The following CCDC57 variants were observed in gnomAD, a reference collection of about 807,000 sequenced individuals.
CCDC57 encodes the protein coiled-coil domain containing 57.
A neutral mutation model predicts 118.9 loss-of-function variants in CCDC57; 118 were observed. That is an observed-to-expected ratio of 0.99 (90% CI 0.86 to 1.16). The LOEUF (loss-of-function observed/expected upper bound fraction) is 1.16. Ranked by LOEUF, CCDC57 falls within the 50% of genes most tolerant of loss-of-function variation. The pLI, the probability that CCDC57 is intolerant of heterozygous loss-of-function variation, is 0.00. For synonymous variants in CCDC57, 527 were observed against 532.9 expected (o/e 0.99, Z 0.15); for missense variants, 1,300 against 1,320.7 (o/e 0.98, Z 0.24).
intron 7 of CCDC57, among the ~76,000 whole-genome samples, chr17:82,191,059 TC>T (rs1381245553): frequency 6.6e-6 from 1 of 151,332 alleles, no homozygotes; most frequent in Non-Finnish European, 1.5e-5. Context: ...TCACAGGATG[TC>T]CAATGGTGCC....
intron 16 of CCDC57, among the ~76,000 whole-genome samples, chr17:82,150,427 G>A (rs1401832156): frequency 2.8e-4 from 13 of 45,920 alleles, no homozygotes; most frequent in Admixed American, 5.9e-4. Flanking sequence ...AACCTGACCC[G>A]CACCTAGAAC....
chr17:82,110,214 C>G (rs546400515), intron 19 of CCDC57, among the ~76,000 whole-genome samples: 1 of 152,224 alleles, frequency 6.6e-6, no homozygotes, highest in Non-Finnish European at 1.5e-5. Context: ...CTCCTGACCT[C>G]AAGTGATCCA....
chr17:82,113,991 C>T (rs1433536891), intron 19 of CCDC57, among the ~76,000 whole-genome samples: 1 of 152,164 alleles, frequency 6.6e-6, no homozygotes, highest in African/African-American at 2.4e-5. Flanking sequence ...GCAGCTTGGT[C>T]TTGCAGCTAT....
intron 19 of CCDC57, among the ~76,000 whole-genome samples, chr17:82,116,565 C>T (rs1279933314): frequency 1.3e-5 from 2 of 152,188 alleles, no homozygotes; most frequent in African/African-American, 4.8e-5. Flanking sequence ...CCTCCCCCTG[C>T]TCTAATCAGA....
At chr17:82,136,610 T>G (rs2039220541) in intron 16 of CCDC57, among the ~76,000 whole-genome samples, 2 of 151,470 alleles carry the variant, frequency 1.3e-5, no homozygotes, top group Admixed American at 6.6e-5. Flanking sequence ...GAAAACTAGT[T>G]TTTTTGAGAC....
chr17:82,205,231 G>A (rs985851664), intron 2 of CCDC57, among the ~76,000 whole-genome samples: 4 of 152,172 alleles, frequency 2.6e-5, no homozygotes, highest in African/African-American at 7.2e-5. Context: ...TCATGACAAC[G>A]GTTCTCTGCA....
chr17:82,152,742 C>A (rs958202876), intron 15 of CCDC57, among the ~76,000 whole-genome samples: 2 of 152,222 alleles, frequency 1.3e-5, no homozygotes, highest in Non-Finnish European at 2.9e-5. Context: ...TGGAACAGGC[C>A]AGCACACCCT....
exon 9 of CCDC57, chr17:82,183,833 C>A (rs1040782015): frequency 1.9e-6 from 3 of 1,607,706 alleles, no homozygotes; most frequent in Non-Finnish European, 2.5e-6. Flanking sequence ...CTTCTTCCTG[C>A]AGCGTCTGAA....
chr17:82,128,053 G>A (rs1404187979), intron 18 of CCDC57, 145 bp from the exon 18 acceptor site: 2 of 1,244,390 alleles, frequency 1.6e-6, no homozygotes, highest in Non-Finnish European at 2.2e-6. Flanking sequence ...GATCACCCAG[G>A]AGAGGCAGCT....
chr17:82,169,701 G>A (rs1477981258), intron 13 of CCDC57, among the ~76,000 whole-genome samples: 1 of 152,196 alleles, frequency 6.6e-6, no homozygotes, highest in Non-Finnish European at 1.5e-5. Context: ...AAGAGGACTC[G>A]ATCAAAGTAA....
At chr17:82,184,575 G>A (rs1381554370) in intron 8 of CCDC57, among the ~76,000 whole-genome samples, 2 of 152,222 alleles carry the variant, frequency 1.3e-5, no homozygotes, top group Admixed American at 6.5e-5. Flanking sequence ...TTGCATGGGC[G>A]TAGCCCTGTT....
intron 8 of CCDC57, among the ~76,000 whole-genome samples, chr17:82,186,900 C>T (rs1188233930): frequency 1.3e-5 from 2 of 151,940 alleles, no homozygotes; most frequent in Non-Finnish European, 2.9e-5. Flanking sequence ...CGTGATCGCA[C>T]CACTGCACTC....
intron 13 of CCDC57, among the ~76,000 whole-genome samples, chr17:82,167,164 G>A (rs866645010): frequency 9.9e-5 from 15 of 151,972 alleles, no homozygotes; most frequent in Non-Finnish European, 1.8e-4. Flanking sequence ...AAGACCAAAC[G>A]TTTGTGTCCT....
intron 19 of CCDC57, among the ~76,000 whole-genome samples, chr17:82,102,863 C>T (rs1336116462): frequency 2.0e-5 from 3 of 149,564 alleles, no homozygotes; most frequent in Admixed American, 6.7e-5. Context: ...CCAGCCTGGG[C>T]GGACAAGGGC....
chr17:82,147,266 G>T (rs1279890020), intron 16 of CCDC57, among the ~76,000 whole-genome samples: 1 of 136,270 alleles, frequency 7.3e-6, no homozygotes, highest in Non-Finnish European at 1.6e-5. Flanking sequence ...GAATGGATGG[G>T]TGGATGCAAA....
chr17:82,188,294 G>T, exon 8 of CCDC57: 1 of 1,593,900 alleles, frequency 6.3e-7, no homozygotes, highest in Non-Finnish European at 8.5e-7. Flanking sequence ...CGCCTCGAGG[G>T]TCTCGCAGTG....
intron 7 of CCDC57, among the ~76,000 whole-genome samples, chr17:82,189,068 A>G (rs9891848): frequency 0.013 from 1,936 of 152,226 alleles, 44 homozygotes; most frequent in African/African-American, 0.044. Flanking sequence ...GGAGTTGAAG[A>G]CCACCAGCCT....
rs1161442559 is a variant in CCDC57, at chr17:82,134,069, T to C, written c.2577+4A>G. 1.4e-6 allele frequency: 2 copies of C among 1,398,804 alleles called. No individual in the cohort carries two copies. The highest frequency in any genetic ancestry group is 9.3e-7 in the Non-Finnish European group (1 of 1,075,050). The allele number at this position is 1,398,804 out of a possible 1,614,324, so 86.6% of individuals were successfully genotyped here. A position where few individuals can be genotyped will look rare whatever the true frequency, so the allele number is the denominator to read the frequency against. On this transcript the variant is annotated splice_donor_region_variant and intron_variant, in intron 17 of 19. Coordinates refer to ENST00000665763, the Ensembl canonical transcript of CCDC57. The stretch of plus-strand genomic sequence containing the variant: ...AATGCATGTCTTAGATGAAGGGGTG[T>C]TACCTGAGATGTAAAATGGGGCTGC...
At chr17:82,128,532 T>G in exon 18 of CCDC57, 1 of 1,574,390 alleles carries the variant, frequency 6.4e-7, no homozygotes, top group Non-Finnish European at 8.6e-7. Flanking sequence ...TGCCCACCTG[T>G]GCTGAGCGGG....
Sources: gnomAD v4.1 joint callset for allele counts (sites outside exome capture counted in the v4.1 genomes callset) on GRCh38, gnomAD v4.1.1 for gene constraint, MANE v1.5 for transcripts, NCBI Gene and HGNC (gene_info 2026-07-23, HGNC 2026-07-21) for gene names.